CNBD1: variants seen among roughly 807,000 people sequenced by gnomAD.
CNBD1 encodes the protein cyclic nucleotide-binding domain-containing protein 1.
A neutral mutation model predicts 54.4 loss-of-function variants in CNBD1; 71 were observed. The ratio of observed to expected loss-of-function variants is 1.30; its 90% CI spans 1.08 to 1.59. The LOEUF is 1.59. Ranked by LOEUF, CNBD1 falls within the 40% of genes most tolerant of loss-of-function variation. CNBD1 has a pLI of 0.00. For missense variants in CNBD1, 659 were observed against 518.0 expected, an observed-to-expected ratio of 1.27 and a Z score of -2.64; for synonymous variants, 182 against 170.7, an observed-to-expected ratio of 1.07 and a Z score of -0.51.
chr8:86,998,208 TG>T (rs939928921), intron 4 of CNBD1, among the ~76,000 whole-genome samples: 2 of 149,438 alleles, frequency 1.3e-5, no homozygotes, highest in Admixed American at 1.3e-4. Flanking sequence ...TGTGTGTTTC[TG>T]TTTTTTTTTT....
At chr8:87,227,291 A>T (rs1215992783) in intron 5 of CNBD1, among the ~76,000 whole-genome samples, 2 of 145,064 alleles carry the variant, frequency 1.4e-5, no homozygotes, top group East Asian at 4.1e-4. Flanking sequence ...TTATGATGTT[A>T]GCTGGTGATT....
intron 4 of CNBD1, among the ~76,000 whole-genome samples, chr8:87,050,659 A>G (rs1301296624): frequency 6.6e-6 from 1 of 152,214 alleles, no homozygotes; most frequent in Non-Finnish European, 1.5e-5. Flanking sequence ...GTCTAAAACC[A>G]TGAAACATTT....
At chr8:87,384,241 T>C (rs1212124226), downstream of CNBD1, among the ~76,000 whole-genome samples, 2 of 152,126 alleles carry the variant, frequency 1.3e-5, no homozygotes, top group Non-Finnish European at 2.9e-5. Context: ...ATTTTTAAGA[T>C]ATATGCTTCA....
chr8:87,263,175 ATAATGT>A (rs1191181952), intron 6 of CNBD1, among the ~76,000 whole-genome samples: 1 of 152,180 alleles, frequency 6.6e-6, no homozygotes, highest in African/African-American at 2.4e-5. Context: ...CCAATTAAAA[ATAATGT>A]TTATATTTAC....
chr8:87,106,138 C>A (rs899014256), intron 4 of CNBD1, among the ~76,000 whole-genome samples: 5 of 151,598 alleles, frequency 3.3e-5, no homozygotes, highest in African/African-American at 1.2e-4. Flanking sequence ...TCTTTCTTTC[C>A]TTTCTTTTCT....
At chr8:87,155,394 G>A (rs548959609) in intron 4 of CNBD1, among the ~76,000 whole-genome samples, 4 of 152,220 alleles carry the variant, frequency 2.6e-5, no homozygotes, top group Non-Finnish European at 5.9e-5. Context: ...ATTAAAGGAG[G>A]AATAAATAGA....
In CNBD1 at chr8:86,981,039, T is replaced by C. The variant is rs181245576; in HGVS notation, c.431+41285T>C. 2.5e-3 allele frequency among the ~76,000 whole-genome samples: 387 copies of C among 152,230 alleles called. 1 individual carries two copies. The highest frequency in any genetic ancestry group is 9.0e-3 in the African/African-American group (373 of 41,552). ...TGGTTATAGCAATTTGGTTGGAAAA[T>C]TGGGCAAGCTTTGGAAGCTTTTTAC... is the stretch of plus-strand genomic sequence containing the variant. On this transcript the variant is annotated intron_variant, in intron 4 of 10. Coordinates refer to ENST00000518476, the MANE Select transcript of CNBD1 (RefSeq NM_173538.3).
chr8:87,284,222 ATT>A (rs1206021916), intron 6 of CNBD1, among the ~76,000 whole-genome samples: 1 of 152,092 alleles, frequency 6.6e-6, no homozygotes, highest in Non-Finnish European at 1.5e-5. Flanking sequence ...CCTAATATTT[ATT>A]GTTTACATAT....
In CNBD1 at chr8:86,934,353, T is replaced by C. The variant is rs1006912771; in HGVS notation, c.273-5243T>C. 3.3e-5 allele frequency among the ~76,000 whole-genome samples: 5 copies of C among 152,192 alleles called. No homozygotes were observed. In the East Asian group the frequency reaches 9.6e-4, roughly 29 times the overall value. On this transcript the variant is annotated intron_variant, in intron 3 of 10. Coordinates refer to ENST00000518476, the MANE Select transcript of CNBD1 (RefSeq NM_173538.3). ...ACGACAGAAGTATGGCTGATTTTTG[T>C]ATATTGAACTTTTATACCAATTTTA...
chr8:87,061,930 A>C (rs1246894916), intron 4 of CNBD1, among the ~76,000 whole-genome samples: 1 of 152,202 alleles, frequency 6.6e-6, no homozygotes, highest in Admixed American at 6.5e-5. Context: ...GACAGAGCCA[A>C]TGAAGTGATC....
At chr8:87,272,795 C>T (rs1316637805) in intron 6 of CNBD1, among the ~76,000 whole-genome samples, 1 of 151,810 alleles carries the variant, frequency 6.6e-6, no homozygotes. Flanking sequence ...AATGTACACT[C>T]CATTAAGTTT....
intron 6 of CNBD1, among the ~76,000 whole-genome samples, chr8:87,275,685 C>G (rs1380367842): frequency 1.3e-5 from 2 of 151,586 alleles, no homozygotes; most frequent in Non-Finnish European, 2.9e-5. Flanking sequence ...CCCTCTCTCA[C>G]CACTCCTATT....
intron 6 of CNBD1, among the ~76,000 whole-genome samples, chr8:87,284,277 G>C (rs1808650724): frequency 6.6e-6 from 1 of 151,976 alleles, no homozygotes; most frequent in African/African-American, 2.4e-5. Context: ...TTTATATACT[G>C]TTTAACATTT....
At chr8:87,111,500 T>C (rs1374874543) in intron 4 of CNBD1, among the ~76,000 whole-genome samples, 1 of 152,162 alleles carries the variant, frequency 6.6e-6, no homozygotes, top group Non-Finnish European at 1.5e-5. Flanking sequence ...GAGATGGACT[T>C]GGGGAGTCAC....
intron 2 of CNBD1, among the ~76,000 whole-genome samples, chr8:87,408,426 T>G (rs79038023): frequency 0.018 from 2,750 of 152,084 alleles, 81 homozygotes; most frequent in African/African-American, 0.06. Context: ...CAGATAATAT[T>G]TAATTTTTTA....
At chr8:87,240,543 C>G (rs573297506) in intron 6 of CNBD1, among the ~76,000 whole-genome samples, 1 of 152,226 alleles carries the variant, frequency 6.6e-6, no homozygotes, top group South Asian at 2.1e-4. Context: ...GTCTTTATAT[C>G]AAATTTTCAA....
At chr8:87,327,150 A>C (rs1171078392) in intron 8 of CNBD1, among the ~76,000 whole-genome samples, 41 of 141,598 alleles carry the variant, frequency 2.9e-4, no homozygotes, top group African/African-American at 8.4e-4. Flanking sequence ...TTGAGGAGGC[A>C]GTCTGCCCGT....
At chr8:87,253,055 AG>A (rs1328911472) in intron 6 of CNBD1, among the ~76,000 whole-genome samples, 1 of 152,198 alleles carries the variant, frequency 6.6e-6, no homozygotes, top group African/African-American at 2.4e-5. Context: ...CTAGAGAGAA[AG>A]GAGAGAAGAG....
In CNBD1 at chr8:87,041,774, G is replaced by A. The variant is rs561982535; in HGVS notation, c.431+102020G>A. On this transcript the variant is annotated intron_variant, in intron 4 of 10. Transcript: ENST00000518476. Reference sequence around the variant, plus strand: ...AGATCATGCCACTGCACTCCAGCCCGAGCGACAGAGCAAGACTCCGTCTCA... The same window carrying A: ...AGATCATGCCACTGCACTCCAGCCCAAGCGACAGAGCAAGACTCCGTCTCA... Among the ~76,000 whole-genome samples, 15 of 152,234 alleles carry A rather than the reference G, an allele frequency of 9.9e-5. No homozygotes were observed. The South Asian group carries it at 2.3e-3, about 23-fold the overall frequency.
Sources: gnomAD v4.1 joint callset for allele counts (sites outside exome capture counted in the v4.1 genomes callset) on GRCh38, gnomAD v4.1.1 for gene constraint, MANE v1.5 for transcripts, NCBI Gene and HGNC (gene_info 2026-07-23, HGNC 2026-07-21) for gene names.